Variants in LUZP2 observed in about 807,000 individuals in gnomAD.
LUZP2 encodes leucine zipper protein 2.
In LUZP2, 52 loss-of-function variants were observed where a neutral mutation model predicts 51.6. The ratio of observed to expected loss-of-function variants is 1.01; its 90% CI spans 0.81 to 1.27. The LOEUF is 1.27. LUZP2 is among the 50% of genes most tolerant of loss of function. The pLI, the probability that LUZP2 is intolerant of heterozygous loss-of-function variation, is 0.00. For missense variants in LUZP2, 436 were observed against 395.4 expected, an observed-to-expected ratio of 1.10 and a Z score of -0.87; for synonymous variants, 154 against 137.3, an observed-to-expected ratio of 1.12 and a Z score of -0.85.
intron 5 of LUZP2, among the ~76,000 whole-genome samples, chr11:24,774,362 C>CTCTCTCTCTCTCTCTCTCTCTCTCTATA (rs776739280): frequency 2.6e-5 from 2 of 76,382 alleles, no homozygotes; most frequent in East Asian, 4.8e-4. Context: ...CTCTCTCTCT[C>CTCTCTCTCTCTCTCTCTCTCTCTCTATA]TATATATATA....
intron 7 of LUZP2, among the ~76,000 whole-genome samples, chr11:24,938,881 C>T (rs572919943): frequency 2.0e-5 from 3 of 152,090 alleles, no homozygotes; most frequent in Admixed American, 6.5e-5. Flanking sequence ...AATTTGAACA[C>T]GTGTAGGAAA....
chr11:24,772,088 A>C (rs897001535), intron 5 of LUZP2, among the ~76,000 whole-genome samples: 12 of 152,216 alleles, frequency 7.9e-5, no homozygotes, highest in African/African-American at 2.7e-4. Flanking sequence ...ATATCTGAGA[A>C]TCACTGGCCA....
At chr11:24,757,149 A>G (rs952010593) in intron 4 of LUZP2, among the ~76,000 whole-genome samples, 5 of 152,156 alleles carry the variant, frequency 3.3e-5, no homozygotes, top group African/African-American at 1.2e-4. Flanking sequence ...ATGAAGCTCT[A>G]CAATTGATAA....
chr11:24,622,204 G>A (rs1476740590), intron 1 of LUZP2, among the ~76,000 whole-genome samples: 1 of 151,206 alleles, frequency 6.6e-6, no homozygotes, highest in Non-Finnish European at 1.5e-5. Context: ...ATGTATACAT[G>A]TGCCATGTTG....
chr11:24,962,335 T>G (rs1431436740), intron 7 of LUZP2, among the ~76,000 whole-genome samples: 2 of 152,238 alleles, frequency 1.3e-5, no homozygotes, highest in African/African-American at 4.8e-5. Context: ...GGGGAAGTTC[T>G]CCTGGATAAT....
chr11:25,072,754 G>T (rs1859192765), intron 10 of LUZP2, among the ~76,000 whole-genome samples: 1 of 150,912 alleles, frequency 6.6e-6, no homozygotes, highest in African/African-American at 2.4e-5. Context: ...TAAGCCCATT[G>T]GTTTAATTCT....
At chr11:24,693,452 A>G (rs1376264494) in intron 1 of LUZP2, among the ~76,000 whole-genome samples, 1 of 151,800 alleles carries the variant, frequency 6.6e-6, no homozygotes, top group Non-Finnish European at 1.5e-5. Context: ...TGTTTTCCAT[A>G]TATTTTATCT....
chr11:24,777,392 C>A (rs1418362739), intron 5 of LUZP2, among the ~76,000 whole-genome samples: 2 of 151,906 alleles, frequency 1.3e-5, no homozygotes, highest in Admixed American at 6.6e-5. Context: ...GCGGGGGGAT[C>A]CATTTAAACA....
intron 1 of LUZP2, among the ~76,000 whole-genome samples, chr11:24,587,605 G>T (rs114176793): frequency 0.019 from 2,851 of 152,152 alleles, 90 homozygotes; most frequent in African/African-American, 0.064. Flanking sequence ...CAATATGAAG[G>T]TTACTGGAAA....
intron 1 of LUZP2, among the ~76,000 whole-genome samples, chr11:24,708,792 G>A (rs958332329): frequency 1.3e-5 from 2 of 152,160 alleles, no homozygotes; most frequent in African/African-American, 4.8e-5. Flanking sequence ...TCTAGAGGAT[G>A]TTTTTGCAAT....
intron 9 of LUZP2, among the ~76,000 whole-genome samples, chr11:25,039,045 T>C (rs1339378187): frequency 6.6e-6 from 1 of 152,186 alleles, no homozygotes; most frequent in Non-Finnish European, 1.5e-5. Context: ...GTGGTGTAAA[T>C]AGGAGAGAGG....
At chr11:24,542,956 G>T (rs1270984405) in intron 1 of LUZP2, among the ~76,000 whole-genome samples, 20 of 151,140 alleles carry the variant, frequency 1.3e-4, no homozygotes, top group Admixed American at 1.3e-3. Flanking sequence ...ATTTAGAATG[G>T]AATTGAAGGT....
intron 4 of LUZP2, among the ~76,000 whole-genome samples, chr11:24,748,632 T>A (rs533765348): frequency 6.6e-6 from 1 of 152,206 alleles, no homozygotes; most frequent in Non-Finnish European, 1.5e-5. Flanking sequence ...GCTAATTTTG[T>A]ATTTTCAGAA....
At position 24,874,931 on chromosome 11, in the gene LUZP2, T is replaced by C. The variant is rs189080546; in HGVS notation, c.397-31060T>C. Among the ~76,000 whole-genome samples the C allele has an allele frequency of 2.5e-3, 385 of 152,266 alleles. 1 individual carries two copies. Among genetic ancestry groups the C allele is most frequent in the African/African-American group, 8.5e-3 (352 of 41,558 alleles). On this transcript the variant is annotated intron_variant, in intron 5 of 11. Coordinates refer to ENST00000336930, the MANE Select transcript of LUZP2 (RefSeq NM_001009909.4). ...CTCTTCTCTCTATTCTAAAAATATA[T>C]TTTACTTTCGTCTGAGCAAATTATC... is the stretch of plus-strand genomic sequence containing the variant.
chr11:24,627,912 CTG>C (rs1854739975), intron 1 of LUZP2, among the ~76,000 whole-genome samples: 1 of 152,116 alleles, frequency 6.6e-6, no homozygotes, highest in Non-Finnish European at 1.5e-5. Flanking sequence ...ATATATTTAA[CTG>C]ACATTTACTA....
At chr11:24,919,968 C>T (rs7931610) in intron 7 of LUZP2, among the ~76,000 whole-genome samples, 1 of 151,304 alleles carries the variant, frequency 6.6e-6, no homozygotes, top group Non-Finnish European at 1.5e-5. Context: ...ATGAATAAGT[C>T]CTACACAACC....
intron 9 of LUZP2, among the ~76,000 whole-genome samples, chr11:24,996,571 TTTTTTATTTTATTTTATTTTA>T (rs1565205121): frequency 1.4e-5 from 2 of 145,136 alleles, no homozygotes; most frequent in East Asian, 2.0e-4. Context: ...TCTTTTTTCT[TTTTTTATTTTATTTTATTTTA>T]TTTTATTTTA....
intron 1 of LUZP2, among the ~76,000 whole-genome samples, chr11:24,601,988 G>GTGTATATATGTATATATATGTATATA (rs1853677813): frequency 4.6e-5 from 3 of 65,714 alleles, no homozygotes; most frequent in Non-Finnish European, 9.1e-5. Context: ...GTATATATAT[G>GTGTATATATGTATATATATGTATATA]TGTATATATG....
chr11:24,778,778 T>C (rs1177965646), intron 5 of LUZP2, among the ~76,000 whole-genome samples: 1 of 152,234 alleles, frequency 6.6e-6, no homozygotes, highest in African/African-American at 2.4e-5. Flanking sequence ...TCAAAACTTT[T>C]GTGAATATCA....
Sources: allele counts gnomAD v4.1 joint callset (sites outside exome capture counted in the v4.1 genomes callset), GRCh38; gene constraint gnomAD v4.1.1; transcripts MANE v1.5; gene names NCBI Gene and HGNC (gene_info 2026-07-23, HGNC 2026-07-21).